KCNU1: variants seen among roughly 807,000 people sequenced by gnomAD.
KCNU1 encodes potassium channel subfamily U member 1.
In KCNU1, 93 loss-of-function variants were observed where a neutral mutation model predicts 126.8. The ratio of observed to expected loss-of-function variants is 0.73; its 90% CI spans 0.62 to 0.87. The LOEUF (loss-of-function observed/expected upper bound fraction) is 0.87, where lower values mean the gene tolerates loss of function less well. Ranked by LOEUF, KCNU1 falls within the 40% of genes least tolerant of loss-of-function variation. The pLI is 0.00. For missense variants in KCNU1, 1,330 were observed against 1,367.1 expected, an observed-to-expected ratio of 0.97 and a Z score of 0.43; for synonymous variants, 523 against 494.2, an observed-to-expected ratio of 1.06 and a Z score of -0.77.
intron 11 of KCNU1, 92 bp from the exon 12 acceptor site, chr8:36,834,694 T>C (rs2130550434): frequency 2.8e-6 from 2 of 721,886 alleles, no homozygotes; most frequent in East Asian, 5.4e-5. Flanking sequence ...TTAGCAATTT[T>C]ATTACAAAAT....
chr8:36,822,902 A>G (rs1352260287), intron 10 of KCNU1, among the ~76,000 whole-genome samples: 2 of 152,200 alleles, frequency 1.3e-5, no homozygotes, highest in Admixed American at 6.6e-5. Context: ...TACATTTTGT[A>G]TATGTACTAT....
intron 19 of KCNU1, among the ~76,000 whole-genome samples, chr8:36,865,610 TAA>T (rs36114647): frequency 0.36 from 49,957 of 138,136 alleles, 9,016 homozygotes; most frequent in Admixed American, 0.43. Flanking sequence ...CTGCAAAAAT[TAA>T]AAAAAAAAAA....
chr8:36,900,194 A>G (rs1433082125), intron 19 of KCNU1, among the ~76,000 whole-genome samples: 1 of 152,120 alleles, frequency 6.6e-6, no homozygotes, highest in Admixed American at 6.6e-5. Context: ...CTCCTCATGG[A>G]AAAGGAAGGA....
intron 19 of KCNU1, among the ~76,000 whole-genome samples, chr8:36,879,211 G>GTATA (rs34121138): frequency 0.095 from 9,599 of 101,480 alleles, 474 homozygotes; most frequent in Middle Eastern, 0.12. Context: ...GTGTGTGTGT[G>GTATA]TATATATATA....
intron 16 of KCNU1, 47 bp from the exon 17 acceptor site, chr8:36,845,533 C>T (rs762253551): frequency 8.6e-7 from 1 of 1,162,700 alleles, no homozygotes; most frequent in East Asian, 2.3e-5. Context: ...ACTGTTGCCA[C>T]TGAAATCAGA....
At chr8:36,929,302 C>A (rs1450041212) in intron 24 of KCNU1, among the ~76,000 whole-genome samples, 1 of 149,194 alleles carries the variant, frequency 6.7e-6, no homozygotes, top group Non-Finnish European at 1.5e-5. Context: ...GAGAATTGCT[C>A]GAATCCAGGA....
At chr8:36,896,845 C>G (rs1807210970) in intron 19 of KCNU1, among the ~76,000 whole-genome samples, 1 of 152,004 alleles carries the variant, frequency 6.6e-6, no homozygotes, top group African/African-American at 2.4e-5. Flanking sequence ...AGAAACTGAT[C>G]ACCAGGAAGT....
At chr8:36,923,686 C>A (rs1006099671) in intron 24 of KCNU1, among the ~76,000 whole-genome samples, 1 of 152,202 alleles carries the variant, frequency 6.6e-6, no homozygotes, top group African/African-American at 2.4e-5. Context: ...ACATATTTAT[C>A]CCTTATGCAT....
At chr8:36,792,016 T>C (rs1230410952) in intron 2 of KCNU1, among the ~76,000 whole-genome samples, 2 of 152,198 alleles carry the variant, frequency 1.3e-5, no homozygotes, top group African/African-American at 4.8e-5. Flanking sequence ...CAGGAAACAC[T>C]ACACTATCTT....
chr8:36,833,521 T>C, intron 10 of KCNU1, 33 bp from the exon 11 acceptor site: 2 of 1,276,398 alleles, frequency 1.6e-6, no homozygotes, highest in Non-Finnish European at 2.3e-6. Flanking sequence ...TCATCTTTTT[T>C]CCCTCATTGC....
At position 36,935,787 on chromosome 8, in the gene KCNU1, C is replaced by T. The variant is rs1808837199; in HGVS notation, c.3317C>T (p.Ala1106Val). 2 of 1,613,338 alleles carry T rather than the reference C, an allele frequency of 1.2e-6. No individual in the cohort carries two copies. Among genetic ancestry groups the T allele is most frequent in the East Asian group, 2.2e-5 (1 of 44,850 alleles). Residue 1106 changes from alanine to valine, a missense_variant, in exon 27 of 27, where the codon GCA becomes GTA. By Grantham distance (64) the Ala-to-Val change is moderately conservative (BLOSUM62 0). Transcript: ENST00000399881. ...TCCCTCTCTTTTCCTAAGCAAATAG[C>T]ATGGAATCAGAGTAGAACAAACAGT... The part of the protein sequence containing the change: ...TNSLSFPKQI[A>V]WNQSRTNSII...
Position 36,817,704 on chromosome 8 carries a change from G to A in KCNU1, c.1050G>A (p.Arg350=). Reference sequence around the variant, plus strand: ...TGGACAGTGTGACCGCTTTCCTGAGGAATTTCCTCCGCGACAAGTCAGGAG... The same window carrying A: ...TGGACAGTGTGACCGCTTTCCTGAGAAATTTCCTCCGCGACAAGTCAGGAG... ...ITVDSVTAFL[R]NFLRDKSGEI... is the part of the protein sequence containing the mutation. Residue 350 remains arginine (R), a synonymous_variant, in exon 10 of 27, where the codon AGG becomes AGA. Coordinates refer to ENST00000399881, the MANE Select transcript of KCNU1 (RefSeq NM_001031836.3). The A allele has an allele frequency of 6.2e-7, 1 of 1,613,032 alleles. No individual in the cohort carries two copies. The highest frequency in any genetic ancestry group is 8.5e-7 in the Non-Finnish European group (1 of 1,179,262).
At position 36,824,941 on chromosome 8, in the gene KCNU1, T is replaced by C. The variant is rs144578904; in HGVS notation, c.1106+7181T>C. On this transcript the variant is annotated intron_variant, in intron 10 of 26. Transcript: ENST00000399881. ...TTGGCTATTATAAAGAATGGTGCTG[T>C]GCAAATTTTTGTATATGTATCTTGG... Among the ~76,000 whole-genome samples, 851 of 152,290 alleles carry C rather than the reference T, an allele frequency of 5.6e-3. 3 individuals carry two copies. The highest frequency in any genetic ancestry group is 0.01 in the Middle Eastern group (3 of 294).
intron 2 of KCNU1, among the ~76,000 whole-genome samples, chr8:36,798,592 C>A (rs1803191193): frequency 6.6e-6 from 1 of 152,210 alleles, no homozygotes; most frequent in South Asian, 2.1e-4. Flanking sequence ...GGGCAGCCAT[C>A]ATAAGACTTC....
chr8:36,913,715 G>A (rs1807981015), intron 22 of KCNU1, among the ~76,000 whole-genome samples: 1 of 151,386 alleles, frequency 6.6e-6, no homozygotes, highest in African/African-American at 2.4e-5. Flanking sequence ...CATTCTTCTG[G>A]CTCAGCCTCC....
intron 10 of KCNU1, among the ~76,000 whole-genome samples, chr8:36,822,882 A>C (rs563391441): frequency 6.6e-6 from 1 of 152,160 alleles, no homozygotes; most frequent in Non-Finnish European, 1.5e-5. Flanking sequence ...TGCTGACTGC[A>C]TGTGTCTTAT....
intron 18 of KCNU1, among the ~76,000 whole-genome samples, chr8:36,847,432 C>T (rs1441255834): frequency 1.3e-5 from 2 of 152,138 alleles, no homozygotes; most frequent in Non-Finnish European, 1.5e-5. Context: ...CGATGAAGGA[C>T]ACTAGAAATT....
chr8:36,879,207 G>GTATA (rs1482123765), intron 19 of KCNU1, among the ~76,000 whole-genome samples: 12 of 53,862 alleles, frequency 2.2e-4, no homozygotes, highest in Non-Finnish European at 4.4e-4. Context: ...GTGTGTGTGT[G>GTATA]TGTGTATATA....
intron 19 of KCNU1, among the ~76,000 whole-genome samples, chr8:36,900,924 C>G (rs909800861): frequency 1.1e-4 from 17 of 152,144 alleles, no homozygotes; most frequent in Admixed American, 3.9e-4. Context: ...AAACTCAAAT[C>G]TTGCCCCAAA....
Sources: allele counts gnomAD v4.1 joint callset (sites outside exome capture counted in the v4.1 genomes callset), GRCh38; gene constraint gnomAD v4.1.1; transcripts MANE v1.5; gene names NCBI Gene and HGNC (gene_info 2026-07-23, HGNC 2026-07-21).